Variants in MIPEP observed in about 807,000 individuals in gnomAD.
MIPEP encodes the protein mitochondrial intermediate peptidase.
In MIPEP, 79 loss-of-function variants were observed where a neutral mutation model predicts 90.3. The observed-to-expected ratio is 0.87, with a 90% CI of 0.73 to 1.05. MIPEP has a LOEUF of 1.05. Among genes scored for constraint, MIPEP ranks in the 50% least tolerant of loss-of-function variants. MIPEP has a pLI of 0.00. For missense variants in MIPEP, 940 were observed against 905.6 expected, an observed-to-expected ratio of 1.04 and a Z score of -0.49; for synonymous variants, 334 against 315.8, an observed-to-expected ratio of 1.06 and a Z score of -0.61.
intron 16 of MIPEP, among the ~76,000 whole-genome samples, chr13:23,785,705 T>C (rs1050955010): frequency 1.3e-5 from 2 of 150,568 alleles, no homozygotes; most frequent in African/African-American, 4.9e-5. Flanking sequence ...AAGAAGAACA[T>C]ATATGATAGT....
chr13:23,758,569 A>C (rs1952509338), intron 17 of MIPEP, among the ~76,000 whole-genome samples: 1 of 152,244 alleles, frequency 6.6e-6, no homozygotes, highest in Non-Finnish European at 1.5e-5. Context: ...AAAAGTTATA[A>C]TCCCTGAAAC....
At chr13:23,780,558 C>T (rs1952770496) in intron 16 of MIPEP, among the ~76,000 whole-genome samples, 2 of 152,212 alleles carry the variant, frequency 1.3e-5, no homozygotes, top group Admixed American at 6.5e-5. Flanking sequence ...TCTCCCCCTC[C>T]AAAGGAACAC....
rs1952317991 is a variant in MIPEP at position 23,740,710 on chromosome 13, C to G, written c.2045-10265G>C. ...ACAAGCAAGCTTTAATGCCTGATTTCTACTCCCCACCTTCACTGGAAAAGC... is the reference window on the plus strand; with the variant it reads ...ACAAGCAAGCTTTAATGCCTGATTTGTACTCCCCACCTTCACTGGAAAAGC... On this transcript the variant is annotated intron_variant, in intron 18 of 18. Coordinates refer to ENST00000382172, the MANE Select transcript of MIPEP (RefSeq NM_005932.4). 2.6e-5 allele frequency among the ~76,000 whole-genome samples: 4 copies of G among 152,186 alleles called. No homozygotes were observed. The South Asian group carries it at 8.3e-4, about 32-fold the overall frequency.
chr13:23,869,345 C>T lies in MIPEP; in HGVS notation c.890G>A (p.Gly297Glu), dbSNP rs780379456. 4 of 1,612,572 alleles carry T rather than the reference C, an allele frequency of 2.5e-6. No homozygotes were observed. The highest frequency in any genetic ancestry group is 3.4e-6 in the Non-Finnish European group (4 of 1,179,490). Residue 297 changes from glycine (G) to glutamate (E), a missense_variant, in exon 7 of 19, where the codon GGG becomes GAG. Coordinates refer to ENST00000382172, the MANE Select transcript of MIPEP (RefSeq NM_005932.4). Reference protein sequence around the residue: ...SSRDLLAKLVGYSTFSHRALQ... With the variant: ...SSRDLLAKLVEYSTFSHRALQ... ...AGCCCTGTGAGAAAACGTGGAATACCCCACCAACTTTGCCAGAAGATCTCT... is the reference window on the plus strand; with the variant it reads ...AGCCCTGTGAGAAAACGTGGAATACTCCACCAACTTTGCCAGAAGATCTCT...
chr13:23,785,694 T>C (rs1366770407), intron 16 of MIPEP, among the ~76,000 whole-genome samples: 1 of 151,202 alleles, frequency 6.6e-6, no homozygotes, highest in African/African-American at 2.4e-5. Context: ...GAGGGACTTC[T>C]AAGAAGAACA....
chr13:23,856,258 G>A (rs1276729885), intron 10 of MIPEP, among the ~76,000 whole-genome samples: 1 of 152,218 alleles, frequency 6.6e-6, no homozygotes, highest in African/African-American at 2.4e-5. Flanking sequence ...AGACAAACCA[G>A]GGAGGCAATG....
rs1231477625 is a variant in MIPEP at position 23,862,309 on chromosome 13, T to C, written c.1046A>G (p.Gln349Arg). 1.3e-6 allele frequency: 2 copies of C among 1,558,662 alleles called. No individual in the cohort carries two copies. Among genetic ancestry groups the C allele is most frequent in the African/African-American group, 2.7e-5 (2 of 74,004 alleles). The change falls in exon 9 of 19, where the codon CAA becomes CGA. Residue 349 changes from glutamine to arginine, a missense_variant. Coordinates refer to ENST00000382172, the MANE Select transcript of MIPEP (RefSeq NM_005932.4). ...ATATTCCAACATACTTACGGAATTT[T>C]GAGGATTCAGTTTCATTTTCATCCC... ...IRGMKMKLNP[Q>R]NSEVMPWDPP...
chr13:23,770,657 T>G (rs1952639035), intron 16 of MIPEP, among the ~76,000 whole-genome samples: 1 of 151,778 alleles, frequency 6.6e-6, no homozygotes, highest in African/African-American at 2.4e-5. Context: ...TGGGCTGGAG[T>G]CCTCACCTTC....
intron 14 of MIPEP, among the ~76,000 whole-genome samples, chr13:23,823,481 C>T (rs958978796): frequency 6.6e-6 from 1 of 152,142 alleles, no homozygotes. Context: ...CATGACAGTC[C>T]TACGTTATGA....
rs142314164 is a variant in MIPEP at position 23,853,712 on chromosome 13, C to T, written c.1106+5148G>A. On this transcript the variant is annotated intron_variant, in intron 10 of 18. Coordinates refer to ENST00000382172, the MANE Select transcript of MIPEP (RefSeq NM_005932.4). ...AGTAGCTGGGACTACAGGCACTTGC[C>T]GCCATGCCCGGCTAATTTTTTGTTG... 1.1e-4 allele frequency among the ~76,000 whole-genome samples: 16 copies of T among 152,130 alleles called. No individual in the cohort carries two copies. In the East Asian group the frequency reaches 2.9e-3, roughly 28 times the overall value.
intron 14 of MIPEP, among the ~76,000 whole-genome samples, chr13:23,818,307 C>A (rs1213609420): frequency 6.6e-6 from 1 of 151,978 alleles, no homozygotes; most frequent in East Asian, 1.9e-4. Flanking sequence ...GTAATCCCAG[C>A]TACTCAGGAG....
rs542900121 is a variant in MIPEP at position 23,781,479 on chromosome 13, G to A, written c.1849-21262C>T. Reference sequence around the variant, plus strand: ...GCACTAAACATGGAAAGGAACAACTGGTACCAGCCACTGCAAAAACATGCC... The same window carrying A: ...GCACTAAACATGGAAAGGAACAACTAGTACCAGCCACTGCAAAAACATGCC... On this transcript the variant is annotated intron_variant, in intron 16 of 18. Transcript: ENST00000382172. Among the ~76,000 whole-genome samples the A allele has an allele frequency of 2.9e-3, 447 of 152,268 alleles. 2 individuals carry two copies. The highest frequency in any genetic ancestry group is 0.01 in the African/African-American group (436 of 41,534).
chr13:23,832,104 G>C (rs1012034823), intron 14 of MIPEP, among the ~76,000 whole-genome samples: 1 of 152,148 alleles, frequency 6.6e-6, no homozygotes, highest in Admixed American at 6.5e-5. Context: ...AGATCACTGG[G>C]TCATGAGGGC....
chr13:23,805,745 A>C (rs1368291821), intron 16 of MIPEP, among the ~76,000 whole-genome samples: 1 of 152,202 alleles, frequency 6.6e-6, no homozygotes, highest in Non-Finnish European at 1.5e-5. Context: ...GTACAAAAAC[A>C]CTGTTAGAGG....
At chr13:23,799,146 G>A (rs959848757) in intron 16 of MIPEP, among the ~76,000 whole-genome samples, 27 of 150,078 alleles carry the variant, frequency 1.8e-4, no homozygotes, top group African/African-American at 6.6e-4. Flanking sequence ...TGAGACTACA[G>A]GCATGTACCA....
intron 14 of MIPEP, among the ~76,000 whole-genome samples, chr13:23,830,964 G>A (rs1291537096): frequency 6.6e-6 from 1 of 152,084 alleles, no homozygotes; most frequent in African/African-American, 2.4e-5. Context: ...TAAGGATAGT[G>A]GCAGTTTCTG....
chr13:23,861,144 A>G (rs1282443144), intron 9 of MIPEP, among the ~76,000 whole-genome samples: 1 of 152,148 alleles, frequency 6.6e-6, no homozygotes, highest in Admixed American at 6.6e-5. Flanking sequence ...CCAGAGCAGC[A>G]GGGTGAATGG....
At chr13:23,877,443 T>C (rs1871114116) in intron 4 of MIPEP, among the ~76,000 whole-genome samples, 1 of 152,232 alleles carries the variant, frequency 6.6e-6, no homozygotes. Context: ...GTGCTTATTA[T>C]AGTCTTTGCA....
chr13:23,809,740 T>G (rs1953151264), intron 15 of MIPEP, 110 bp downstream of exon 15: 1 of 714,302 alleles, frequency 1.4e-6, no homozygotes, highest in Non-Finnish European at 2.3e-6. Context: ...GAAAGATGTT[T>G]TAGAAGCATA....
Sources: gnomAD v4.1 joint callset for allele counts (sites outside exome capture counted in the v4.1 genomes callset) on GRCh38, gnomAD v4.1.1 for gene constraint, MANE v1.5 for transcripts, NCBI Gene and HGNC (gene_info 2026-07-23, HGNC 2026-07-21) for gene names.